The following SGCG variants were observed in gnomAD, a reference collection of about 807,000 sequenced individuals.
SGCG encodes sarcoglycan gamma, also known as gamma-sarcoglycan.
Under a neutral mutation model 29.3 loss-of-function variants are expected in SGCG, and 26 were observed. That is an observed-to-expected ratio of 0.89 (90% CI 0.65 to 1.23). The LOEUF is 1.23. Ranked by LOEUF, SGCG falls within the 50% of genes most tolerant of loss-of-function variation. The pLI, the probability that SGCG is intolerant of heterozygous loss-of-function variation, is 0.00. For synonymous variants in SGCG, 145 were observed against 129.7 expected (o/e 1.12, Z -0.80); for missense variants, 353 against 356.0 (o/e 0.99, Z 0.07).
chr13:23,203,522 C>T (rs955876014), intron 1 of SGCG, among the ~76,000 whole-genome samples, 173 bp from the exon 2 acceptor site: 1 of 152,218 alleles, frequency 6.6e-6, no homozygotes, highest in East Asian at 1.9e-4. Flanking sequence ...AACACAGTGA[C>T]ATGTTTCAAA....
At chr13:23,222,025 G>T (rs973147496) in intron 2 of SGCG, among the ~76,000 whole-genome samples, 1 of 152,208 alleles carries the variant, frequency 6.6e-6, no homozygotes, top group African/African-American at 2.4e-5. Context: ...ATAAGTTTGA[G>T]TATCTATCAT....
intron 5 of SGCG, among the ~76,000 whole-genome samples, chr13:23,292,121 T>G (rs1881734352): frequency 6.6e-6 from 1 of 151,756 alleles, no homozygotes; most frequent in South Asian, 2.1e-4. Context: ...ATTTCTTTCT[T>G]TTTTTTGAGA....
intron 5 of SGCG, among the ~76,000 whole-genome samples, chr13:23,293,826 G>A (rs1250319839): frequency 5.0e-5 from 5 of 99,622 alleles, no homozygotes; most frequent in African/African-American, 1.3e-4. Flanking sequence ...GTGAGATTCC[G>A]TCTTAAAAAA....
chr13:23,200,539 C>T (rs1358910113), intron 1 of SGCG, among the ~76,000 whole-genome samples: 1 of 151,948 alleles, frequency 6.6e-6, no homozygotes, highest in Non-Finnish European at 1.5e-5. Flanking sequence ...CTCTAGGGGC[C>T]GAGGGTAAAA....
chr13:23,179,165 T>C (rs1318276482), upstream of SGCG, among the ~76,000 whole-genome samples: 3 of 152,240 alleles, frequency 2.0e-5, no homozygotes, highest in Non-Finnish European at 1.5e-5. Context: ...TAAAGTATTA[T>C]GATTCCTTTG....
intron 5 of SGCG, among the ~76,000 whole-genome samples, chr13:23,288,662 C>CA (rs1379469518): frequency 1.3e-5 from 2 of 152,120 alleles, no homozygotes; most frequent in Non-Finnish European, 2.9e-5. Context: ...ACCAAGTGGC[C>CA]AAAGTTAACA....
In SGCG at chr13:23,279,407, A is replaced by G. The variant is rs1451332880; in HGVS notation, c.434A>G (p.Asn145Ser). ...VQNQQFQINS[N>S]DGKPLFTVDE... Reference sequence around the variant, plus strand: ...AATCAACAGTTTCAGATCAACTCCAACGACGGCAAGCCACTATTTACTGTA... The same window carrying G: ...AATCAACAGTTTCAGATCAACTCCAGCGACGGCAAGCCACTATTTACTGTA... The change falls in exon 5 of 8, where the codon AAC becomes AGC. Residue 145 changes from asparagine (N) to serine (S), a missense_variant. Physicochemically the swap from Asn to Ser is conservative, Grantham distance 46 (BLOSUM62 1). Coordinates refer to ENST00000218867, the MANE Select transcript of SGCG (RefSeq NM_000231.3). 11 of 1,613,474 alleles carry G rather than the reference A, an allele frequency of 6.8e-6. No individual in the cohort carries two copies. The highest frequency in any genetic ancestry group is 1.3e-5 in the African/African-American group (1 of 75,036).
chr13:23,183,082 T>C (rs1221927379), intron 1 of SGCG, among the ~76,000 whole-genome samples: 1 of 152,230 alleles, frequency 6.6e-6, no homozygotes, highest in African/African-American at 2.4e-5. Context: ...GTTTAGGCTA[T>C]GGAGCCAGAC....
rs183694371 is a variant in SGCG, at chr13:23,270,471, G to A, written c.386-8888G>A. ...TTTCATAAGTTTGAGGGCCATTTTT[G>A]TATCTTTGTTGTGAATTATCTCATG... On this transcript the variant is annotated intron_variant, in intron 4 of 7. Coordinates refer to ENST00000218867, the MANE Select transcript of SGCG (RefSeq NM_000231.3). Among the ~76,000 whole-genome samples the A allele has an allele frequency of 1.7e-3, 265 of 152,106 alleles. 2 individuals are homozygous for A. Among genetic ancestry groups the A allele is most frequent in the African/African-American group, 6.1e-3 (255 of 41,492 alleles).
intron 2 of SGCG, among the ~76,000 whole-genome samples, chr13:23,204,515 A>T (rs186110638): frequency 6.6e-6 from 1 of 152,322 alleles, no homozygotes; most frequent in Admixed American, 6.5e-5. Flanking sequence ...AAAATATTGC[A>T]GAGAACATTG....
Position 23,324,376 on chromosome 13 carries a change from T to C in SGCG, c.711T>C (p.Leu237=). The change falls in exon 8 of 8, where the codon CTT becomes CTC. Residue 237 remains leucine (L), a synonymous_variant. Transcript: ENST00000218867. ...LFHSSDGMLV[L]DAETVCLPKL... Reference sequence around the variant, plus strand: ...CATCTTCTCCCAACCAGCTTGTGCTTGATGCTGAAACTGTGTGCTTACCCA... The same window carrying C: ...CATCTTCTCCCAACCAGCTTGTGCTCGATGCTGAAACTGTGTGCTTACCCA... 6.2e-7 allele frequency: 1 copy of C among 1,614,174 alleles called. No individual in the cohort carries two copies. The highest frequency in any genetic ancestry group is 1.3e-5 in the African/African-American group (1 of 75,058).
Position 23,271,577 on chromosome 13 carries a change from T to C in SGCG, c.386-7782T>C, listed in dbSNP as rs553513317. 2.6e-5 allele frequency among the ~76,000 whole-genome samples: 4 copies of C among 152,360 alleles called. No homozygotes were observed. The East Asian group carries it at 7.7e-4, about 29-fold the overall frequency. On this transcript the variant is annotated intron_variant, in intron 4 of 7. Coordinates refer to ENST00000218867, the MANE Select transcript of SGCG (RefSeq NM_000231.3). Reference sequence around the variant, plus strand: ...TCCATGCCTAGATACCACATTCTTTTAATTATAGAGACTTCATGGTATGTT... The same window carrying C: ...TCCATGCCTAGATACCACATTCTTTCAATTATAGAGACTTCATGGTATGTT...
At chr13:23,237,797 T>G (rs1463975782) in intron 3 of SGCG, among the ~76,000 whole-genome samples, 3 of 77,530 alleles carry the variant, frequency 3.9e-5, no homozygotes, top group Admixed American at 1.4e-4. Flanking sequence ...GAAATCTTCA[T>G]CTAAAAAAAA....
At chr13:23,318,656 T>C (rs1593111321) in intron 6 of SGCG, among the ~76,000 whole-genome samples, 1 of 152,184 alleles carries the variant, frequency 6.6e-6, no homozygotes, top group African/African-American at 2.4e-5. Flanking sequence ...AATGTGTTAA[T>C]GGAAATGTAT....
chr13:23,297,282 G>C (rs865977894), intron 6 of SGCG, among the ~76,000 whole-genome samples: 1 of 150,306 alleles, frequency 6.7e-6, no homozygotes, highest in Non-Finnish European at 1.5e-5. Flanking sequence ...AGACCAGCTC[G>C]GTCAGGGAGA....
intron 6 of SGCG, among the ~76,000 whole-genome samples, chr13:23,302,634 TC>T (rs1353441120): frequency 6.6e-6 from 1 of 150,388 alleles, no homozygotes; most frequent in Non-Finnish European, 1.5e-5. Flanking sequence ...ATAAATATGT[TC>T]ATTTATTACA....
At chr13:23,247,900 G>C (rs1879776679) in intron 3 of SGCG, among the ~76,000 whole-genome samples, 1 of 145,422 alleles carries the variant, frequency 6.9e-6, no homozygotes, top group Admixed American at 7.0e-5. Flanking sequence ...ACAGTGAACT[G>C]TATACTCACA....
At chr13:23,284,036 C>A (rs1881406018) in intron 5 of SGCG, among the ~76,000 whole-genome samples, 1 of 152,172 alleles carries the variant, frequency 6.6e-6, no homozygotes, top group Non-Finnish European at 1.5e-5. Context: ...CTGCCCTTAA[C>A]ATGTTTTCCT....
intron 4 of SGCG, among the ~76,000 whole-genome samples, chr13:23,254,531 T>C (rs1273911954): frequency 1.3e-5 from 2 of 152,064 alleles, no homozygotes; most frequent in Non-Finnish European, 2.9e-5. Flanking sequence ...TTTGAATTTA[T>C]ATTTAAAAGG....
Sources: allele counts gnomAD v4.1 joint callset (sites outside exome capture counted in the v4.1 genomes callset), GRCh38; gene constraint gnomAD v4.1.1; transcripts MANE v1.5; gene names NCBI Gene and HGNC (gene_info 2026-07-23, HGNC 2026-07-21).